The following ZC3H4 variants were observed in gnomAD, a reference collection of about 807,000 sequenced individuals.
ZC3H4 encodes zinc finger CCCH domain-containing protein 4.
A neutral mutation model predicts 108.3 loss-of-function variants in ZC3H4; 13 were observed. That is an observed-to-expected ratio of 0.12 (90% CI 0.08 to 0.19). The LOEUF is 0.19. Ranked by LOEUF, ZC3H4 falls within the 10% of genes least tolerant of loss-of-function variation. The probability of loss-of-function intolerance (pLI) is 1.00; values close to 1 mark genes in which losing one functional copy is unlikely to be tolerated. For synonymous variants in ZC3H4, 917 were observed against 749.6 expected, an observed-to-expected ratio of 1.22 and a Z score of -3.65; for missense variants, 1,734 against 1,838.8, an observed-to-expected ratio of 0.94 and a Z score of 1.04.
chr19:47,092,331 A>G (rs2057747583), intron 4 of ZC3H4, among the ~76,000 whole-genome samples: 1 of 152,214 alleles, frequency 6.6e-6, no homozygotes, highest in Non-Finnish European at 1.5e-5. Flanking sequence ...GATCTTTAAA[A>G]TGCCTCCAGC....
chr19:47,066,783 T>G lies in ZC3H4; in HGVS notation c.3485A>C (p.Glu1162Ala), dbSNP rs1221143187. ...CTGGGCACCCGTGTCAGCAGCCGGC[T>G]CTGTGGCTTTGCCCCCCGCGTTGGG... ...RTPNAGGKAT[E>A]PAADTGAQPK... Residue 1162 changes from glutamate (E) to alanine (A), a missense_variant, in exon 15 of 15, where the codon GAG (glutamate) becomes GCG (alanine). Glu to Ala is a moderately radical substitution (Grantham distance 107). Transcript: ENST00000253048. 1 of 1,601,758 alleles carries G rather than the reference T, an allele frequency of 6.2e-7. No homozygotes were observed. The highest frequency in any genetic ancestry group is 8.5e-7 in the Non-Finnish European group (1 of 1,178,334).
At chr19:47,087,513 T>A (rs1043827725) in intron 5 of ZC3H4, among the ~76,000 whole-genome samples, 8 of 151,886 alleles carry the variant, frequency 5.3e-5, no homozygotes, top group Non-Finnish European at 8.8e-5. Flanking sequence ...GTTGGGCAGA[T>A]CACTTGAGAA....
intron 11 of ZC3H4, among the ~76,000 whole-genome samples, chr19:47,075,852 C>T (rs965198832): frequency 3.3e-5 from 5 of 152,266 alleles, no homozygotes; most frequent in Middle Eastern, 3.4e-3. Context: ...GAGTCAACTG[C>T]GGAGTCAACC....
chr19:47,079,061 C>G (rs965737396), intron 11 of ZC3H4, among the ~76,000 whole-genome samples: 2 of 148,344 alleles, frequency 1.3e-5, no homozygotes, highest in African/African-American at 4.9e-5. Context: ...CAGAGTCTCG[C>G]TCTTGTTGCC....
intron 4 of ZC3H4, among the ~76,000 whole-genome samples, chr19:47,091,825 G>A (rs1018111095): frequency 1.1e-4 from 17 of 147,882 alleles, no homozygotes; most frequent in Admixed American, 8.1e-4. Flanking sequence ...CCAGGGAGGC[G>A]GAGGTTGCAG....
intron 4 of ZC3H4, among the ~76,000 whole-genome samples, chr19:47,092,857 AG>A (rs1389133772): frequency 6.0e-5 from 9 of 149,804 alleles, no homozygotes; most frequent in Non-Finnish European, 4.5e-5. Flanking sequence ...TAAACAAACA[AG>A]ACAAAACATT....
At chr19:47,091,616 G>T (rs2057732334) in intron 4 of ZC3H4, among the ~76,000 whole-genome samples, 1 of 144,352 alleles carries the variant, frequency 6.9e-6, no homozygotes, top group Admixed American at 7.0e-5. Context: ...GGCCAAGCGT[G>T]GTAGCTCACG....
Position 47,112,496 on chromosome 19 carries a change from G to A in ZC3H4, c.89C>T (p.Pro30Leu), listed in dbSNP as rs747347716. Residue 30 changes from proline (P) to leucine (L), a missense_variant, in exon 2 of 15, where the codon CCT becomes CTT. Pro to Leu is a moderately conservative substitution (Grantham distance 98, BLOSUM62 -3). This residue lies in a region of ZC3H4 where 112 missense variants were observed against 73.3 expected (regional missense o/e 1.53). Coordinates refer to ENST00000253048, the MANE Select transcript of ZC3H4 (RefSeq NM_015168.2). The stretch of plus-strand genomic sequence containing the variant: ...CGGGCGGGCGTCGGGGGAACACGGA[G>A]GAGGCGAAGGCGTTGATGGCGGCGG... ...SPPPPSTPSP[P>L]PCSPDARPAT... is the part of the protein sequence containing the mutation. The A allele has an allele frequency of 1.1e-5, 13 of 1,137,816 alleles. No homozygotes were observed. The highest frequency in any genetic ancestry group is 1.5e-5 in the Non-Finnish European group (13 of 893,390). The allele number at this position is 1,137,816 out of a possible 1,614,324, so 70.5% of individuals were successfully genotyped here. A position where few individuals can be genotyped will look rare whatever the true frequency, so the allele number is the denominator to read the frequency against.
intron 11 of ZC3H4, among the ~76,000 whole-genome samples, chr19:47,074,755 C>T (rs920848268): frequency 1.4e-4 from 21 of 152,242 alleles, no homozygotes; most frequent in East Asian, 3.8e-4. Context: ...CAAGTCTCCT[C>T]GCAGACAGCA....
intron 2 of ZC3H4, chr19:47,111,002 G>A: frequency 1.2e-6 from 1 of 829,046 alleles, no homozygotes; most frequent in South Asian, 5.5e-5. Context: ...GGGGAGAAGG[G>A]GTCGTACGTA....
intron 11 of ZC3H4, among the ~76,000 whole-genome samples, chr19:47,076,879 G>C (rs1377972930): frequency 6.6e-6 from 1 of 152,072 alleles, no homozygotes; most frequent in Non-Finnish European, 1.5e-5. Context: ...TGTAATCCCA[G>C]CTACTCAGGA....
rs1018114761 is a variant in ZC3H4, at chr19:47,100,747, G to A, written c.162-6139C>T. On this transcript the variant is annotated intron_variant, in intron 2 of 14. Coordinates refer to ENST00000253048, the MANE Select transcript of ZC3H4 (RefSeq NM_015168.2). The stretch of plus-strand genomic sequence containing the variant: ...GGGATCTTACTCTGTCGCCCAGGCT[G>A]GAGTGCAGTGGCGTGATTTCGGCTC... Among the ~76,000 whole-genome samples, 6 of 152,252 alleles carry A rather than the reference G, an allele frequency of 3.9e-5. No homozygotes were observed. The South Asian group carries it at 1.2e-3, about 32-fold the overall frequency.
chr19:47,077,861 CAAAA>C (rs767129835), intron 11 of ZC3H4, among the ~76,000 whole-genome samples: 3 of 72,292 alleles, frequency 4.1e-5, no homozygotes, highest in Admixed American at 3.1e-4. Flanking sequence ...CCGTCTCAAA[CAAAA>C]AAAAAAAAAA....
rs931669612 is a variant in ZC3H4 at position 47,064,953 on chromosome 19, A to G, written c.*1403T>C. ...TAACTAGGTCTCTTCATGGTCAGCA[A>G]TGAAGAGCTTGGCCTGCAGCCACAT... On this transcript the variant is annotated 3_prime_UTR_variant, in exon 15 of 15. Coordinates refer to ENST00000253048, the MANE Select transcript of ZC3H4 (RefSeq NM_015168.2). The G allele has an allele frequency of 2.0e-5, 3 of 152,248 alleles. No homozygotes were observed. The highest frequency in any genetic ancestry group is 7.2e-5 in the African/African-American group (3 of 41,456). 9.4% of individuals were successfully genotyped at this position (152,248 alleles called of 1,614,324 possible).
At chr19:47,094,355 A>C in intron 3 of ZC3H4, 34 bp downstream of exon 3, 1 of 1,608,456 alleles carries the variant, frequency 6.2e-7, no homozygotes, top group East Asian at 2.2e-5. Flanking sequence ...GCCCAATGCC[A>C]GGCAGTGGCA....
intron 2 of ZC3H4, among the ~76,000 whole-genome samples, chr19:47,102,535 T>A (rs1316789664): frequency 6.6e-6 from 1 of 152,140 alleles, no homozygotes; most frequent in Non-Finnish European, 1.5e-5. Flanking sequence ...CAGGCAACCA[T>A]GGAGTCCCCA....
chr19:47,086,514 T>G lies in ZC3H4; in HGVS notation c.740A>C (p.Tyr247Ser). The G allele has an allele frequency of 6.2e-7, 1 of 1,600,456 alleles. No homozygotes were observed. The highest frequency in any genetic ancestry group is 8.5e-7 in the Non-Finnish European group (1 of 1,177,024). ...TCCTCCACGGCTTCCTCGGCCCCTG[T>G]AGCCCCGGCCCCGGCCTCGGCTGCC... Reference protein sequence around the residue: ...GRGSRGRGRGYRGRGSRGGSR... With the variant: ...GRGSRGRGRGSRGRGSRGGSR... The change falls in exon 6 of 15, where the codon TAC (tyrosine) becomes TCC (serine). Residue 247 changes from tyrosine (Y) to serine (S), a missense_variant. Coordinates refer to ENST00000253048, the MANE Select transcript of ZC3H4 (RefSeq NM_015168.2).
intron 13 of ZC3H4, 150 bp from the exon 14 acceptor site, chr19:47,069,493 A>G: frequency 2.9e-6 from 3 of 1,043,524 alleles, no homozygotes; most frequent in Non-Finnish European, 4.1e-6. Context: ...TCTCAGGGGA[A>G]CAGAGCGGCC....
chr19:47,094,181 C>A, intron 3 of ZC3H4, 101 bp from the exon 4 acceptor site: 1 of 1,253,892 alleles, frequency 8.0e-7, no homozygotes, highest in Non-Finnish European at 1.1e-6. Context: ...CCGCAGGGCT[C>A]TGCGCTTCAC....
Sources: gnomAD v4.1 joint callset for allele counts (sites outside exome capture counted in the v4.1 genomes callset) on GRCh38, gnomAD v4.1.1 for gene constraint, gnomAD v4.1.1 regional missense constraint, MANE v1.5 for transcripts, NCBI Gene and HGNC (gene_info 2026-07-23, HGNC 2026-07-21) for gene names.